CDH13: variants seen among roughly 807,000 people sequenced by gnomAD.
CDH13 encodes the protein cadherin 13.
In CDH13, 24 loss-of-function variants were observed where a neutral mutation model predicts 63.8. The observed-to-expected ratio is 0.38, with a 90% confidence interval of 0.27 to 0.53. The LOEUF is 0.53. CDH13 is among the 20% of genes least tolerant of loss of function. The pLI, the probability that CDH13 is intolerant of heterozygous loss-of-function variation, is 0.85. For synonymous variants in CDH13, 503 were observed against 355.3 expected (o/e 1.42, Z -4.67); for missense variants, 1,049 against 903.1 (o/e 1.16, Z -2.07).
At chr16:83,245,771 C>T (rs1051852376) in intron 5 of CDH13, among the ~76,000 whole-genome samples, 4 of 152,116 alleles carry the variant, frequency 2.6e-5, no homozygotes, top group African/African-American at 9.7e-5. Context: ...GAGGCAGGGT[C>T]TCACCCTGTC....
chr16:83,109,042 A>G (rs1052288160), intron 3 of CDH13, among the ~76,000 whole-genome samples: 4 of 123,232 alleles, frequency 3.2e-5, no homozygotes, highest in African/African-American at 1.4e-4. Flanking sequence ...TAAATCCTCA[A>G]TCTTAGGGTC....
chr16:82,781,192 G>C (rs569070323), intron 1 of CDH13, among the ~76,000 whole-genome samples: 97 of 152,338 alleles, frequency 6.4e-4, no homozygotes, highest in Non-Finnish European at 7.2e-4. Flanking sequence ...ATGAAATAGA[G>C]ATGTGATTAT....
chr16:82,851,977 C>A (rs368458001), intron 1 of CDH13, among the ~76,000 whole-genome samples: 9 of 152,146 alleles, frequency 5.9e-5, no homozygotes, highest in Admixed American at 5.2e-4. Flanking sequence ...TCAACCAACA[C>A]TAATGACAAG....
chr16:82,736,090 G>C (rs912104818), intron 1 of CDH13, among the ~76,000 whole-genome samples: 2 of 152,176 alleles, frequency 1.3e-5, no homozygotes, highest in Non-Finnish European at 2.9e-5. Flanking sequence ...ATTCCCCTGA[G>C]TTTCCAAACT....
intron 3 of CDH13, among the ~76,000 whole-genome samples, chr16:83,089,253 C>G (rs1020701279): frequency 1.3e-5 from 2 of 152,188 alleles, no homozygotes; most frequent in African/African-American, 2.4e-5. Context: ...CGTCACATCT[C>G]TATTTGATCA....
At chr16:83,589,412 C>T (rs1815328746) in intron 7 of CDH13, among the ~76,000 whole-genome samples, 1 of 149,204 alleles carries the variant, frequency 6.7e-6, no homozygotes, top group African/African-American at 2.5e-5. Flanking sequence ...CACCCATCTA[C>T]TCCCGCTGAC....
chr16:82,972,628 C>A (rs1375811459), intron 2 of CDH13, among the ~76,000 whole-genome samples: 3 of 152,154 alleles, frequency 2.0e-5, no homozygotes, highest in Admixed American at 6.5e-5. Flanking sequence ...ATGTGAATTG[C>A]CAAGGATAGT....
At chr16:83,766,772 A>G (rs1382786000) in intron 11 of CDH13, among the ~76,000 whole-genome samples, 2 of 151,774 alleles carry the variant, frequency 1.3e-5, no homozygotes, top group Non-Finnish European at 2.9e-5. Context: ...TAATCCCCAC[A>G]TGTCAAGGGC....
At chr16:82,701,001 C>T (rs934057410) in intron 1 of CDH13, among the ~76,000 whole-genome samples, 6 of 130,302 alleles carry the variant, frequency 4.6e-5, no homozygotes, top group African/African-American at 1.7e-4. Context: ...AACTGCTGTC[C>T]TGTGGATAGC....
rs115483127 is a variant in CDH13, at chr16:83,071,456, C to T, written c.366+39238C>T. Among the ~76,000 whole-genome samples, 325 of 152,270 alleles carry T rather than the reference C, an allele frequency of 2.1e-3. 2 individuals carry two copies. The highest frequency in any genetic ancestry group is 7.6e-3 in the African/African-American group (316 of 41,554). ...ACCATGTAGCTCTTCCCTGAGAGCT[C>T]CTCCAAGCCTTGGTTAAAGGGCCAG... On this transcript the variant is annotated intron_variant, in intron 3 of 13. Coordinates refer to ENST00000567109, the MANE Select transcript of CDH13 (RefSeq NM_001257.5).
chr16:83,541,847 T>C (rs6563926), intron 7 of CDH13, among the ~76,000 whole-genome samples: 152,244 of 152,398 alleles, frequency 1, 76,045 homozygotes, highest in Non-Finnish European at 1. Flanking sequence ...TATGAGAATG[T>C]ATAGAGCCCT....
chr16:83,190,932 C>T (rs895126228), intron 4 of CDH13, among the ~76,000 whole-genome samples: 3 of 151,922 alleles, frequency 2.0e-5, no homozygotes, highest in Non-Finnish European at 2.9e-5. Flanking sequence ...AAACGACTCT[C>T]CCGACCATTT....
chr16:82,768,842 G>A (rs1183558811), intron 1 of CDH13, among the ~76,000 whole-genome samples: 1 of 152,310 alleles, frequency 6.6e-6, no homozygotes, highest in Non-Finnish European at 1.5e-5. Context: ...AAGAAGATCA[G>A]AAGCAATTCT....
At chr16:82,628,766 A>C (rs888749714) in intron 1 of CDH13, among the ~76,000 whole-genome samples, 2 of 152,150 alleles carry the variant, frequency 1.3e-5, no homozygotes, top group Admixed American at 6.5e-5. Flanking sequence ...ATGTGTGTAC[A>C]TATACCCCAA....
At chr16:82,880,043 T>A (rs2040645833) in intron 2 of CDH13, among the ~76,000 whole-genome samples, 1 of 148,980 alleles carries the variant, frequency 6.7e-6, no homozygotes, top group Non-Finnish European at 1.5e-5. Context: ...TATAATGGAT[T>A]AATAGATTAT....
intron 6 of CDH13, among the ~76,000 whole-genome samples, chr16:83,390,638 T>G (rs1168230301): frequency 1.3e-5 from 2 of 152,050 alleles, no homozygotes; most frequent in African/African-American, 4.8e-5. Flanking sequence ...TCCCACTGTC[T>G]CCCCACCCCA....
chr16:83,678,376 A>T lies in CDH13; in HGVS notation c.1453A>T (p.Thr485Ser). 1.2e-6 allele frequency: 2 copies of T among 1,613,924 alleles called. No individual in the cohort carries two copies. Among genetic ancestry groups the T allele is most frequent in the African/African-American group, 2.7e-5 (2 of 75,020 alleles). ...PVFYPDPMMV[T>S]RQEDLSVGSV... Reference sequence around the variant, plus strand: ...CTTCTACCCAGACCCCATGATGGTGACCAGGCAGGAGGACCTCTCTGTGGG... The same window carrying T: ...CTTCTACCCAGACCCCATGATGGTGTCCAGGCAGGAGGACCTCTCTGTGGG... Residue 485 changes from threonine (T) to serine (S), a missense_variant, in exon 10 of 14, where the codon ACC becomes TCC. By Grantham distance (58) the Thr-to-Ser change is moderately conservative. Coordinates refer to ENST00000567109, the MANE Select transcript of CDH13 (RefSeq NM_001257.5).
intron 1 of CDH13, among the ~76,000 whole-genome samples, chr16:82,699,301 G>A (rs745897015): frequency 6.6e-6 from 1 of 152,136 alleles, no homozygotes. Flanking sequence ...TGTGTCCTCT[G>A]CCTCTGAGAA....
At chr16:83,249,416 A>C (rs577575807) in intron 5 of CDH13, among the ~76,000 whole-genome samples, 1 of 152,362 alleles carries the variant, frequency 6.6e-6, no homozygotes, top group East Asian at 1.9e-4. Context: ...GTTAAGTTAC[A>C]GCAGATAACT....
Sources: allele counts gnomAD v4.1 joint callset (sites outside exome capture counted in the v4.1 genomes callset), GRCh38; gene constraint gnomAD v4.1.1; transcripts MANE v1.5; gene names NCBI Gene and HGNC (gene_info 2026-07-23, HGNC 2026-07-21).